The following ZC3H13 variants were observed in gnomAD, a reference collection of about 807,000 sequenced individuals.
ZC3H13 encodes the protein zinc finger CCCH domain-containing protein 13.
ZC3H13 carries 64 observed loss-of-function variants against 204.1 expected under a neutral mutation model. The observed-to-expected ratio is 0.31, with a 90% CI of 0.26 to 0.39. The LOEUF (loss-of-function observed/expected upper bound fraction) is 0.39. Among genes scored for constraint, ZC3H13 ranks in the 10% least tolerant of loss-of-function variants. The pLI, the probability that ZC3H13 is intolerant of heterozygous loss-of-function variation, is 1.00. For missense variants in ZC3H13, 1,833 were observed against 2,082.7 expected (o/e 0.88, Z 2.33); for synonymous variants, 667 against 693.7 (o/e 0.96, Z 0.60).
At chr13:46,029,477 G>A (rs1181989986) in intron 4 of ZC3H13, among the ~76,000 whole-genome samples, 1 of 141,406 alleles carries the variant, frequency 7.1e-6, no homozygotes, top group East Asian at 2.1e-4. Flanking sequence ...CGCCCAGGCT[G>A]GAGTGCAGTG....
At chr13:46,010,862 AATAG>A (rs1338683923) in intron 6 of ZC3H13, among the ~76,000 whole-genome samples, 4 of 152,034 alleles carry the variant, frequency 2.6e-5, no homozygotes, top group Admixed American at 2.0e-4. Flanking sequence ...CAGCCTGGGT[AATAG>A]AGAAAGATCT....
At chr13:45,983,313 T>C (rs540657596) in intron 10 of ZC3H13, among the ~76,000 whole-genome samples, 28 of 143,594 alleles carry the variant, frequency 1.9e-4, no homozygotes, top group Non-Finnish European at 3.9e-4. Flanking sequence ...ATAAAAAGTA[T>C]CTGCAAAAAA....
At chr13:46,035,945 A>AT (rs1277200554) in intron 4 of ZC3H13, among the ~76,000 whole-genome samples, 8 of 151,216 alleles carry the variant, frequency 5.3e-5, no homozygotes, top group African/African-American at 9.7e-5. Flanking sequence ...AGTCAGTGCC[A>AT]TTTTTTTTTC....
At chr13:46,028,212 G>A (rs1023395442) in intron 4 of ZC3H13, among the ~76,000 whole-genome samples, 11 of 152,042 alleles carry the variant, frequency 7.2e-5, no homozygotes, top group Admixed American at 5.9e-4. Context: ...TCTAGAGCAA[G>A]GTAAGTTATC....
intron 8 of ZC3H13, among the ~76,000 whole-genome samples, chr13:46,002,198 A>G (rs2040800063): frequency 1.3e-5 from 2 of 152,316 alleles, no homozygotes; most frequent in Non-Finnish European, 2.9e-5. Flanking sequence ...CAAAACCTCA[A>G]TGGGATAACA....
chr13:46,023,314 A>T (rs1292456564), intron 4 of ZC3H13, among the ~76,000 whole-genome samples: 1 of 152,196 alleles, frequency 6.6e-6, no homozygotes, highest in East Asian at 1.9e-4. Flanking sequence ...TCTAATTATT[A>T]GAAAATTATT....
intron 13 of ZC3H13, 61 bp downstream of exon 13, chr13:45,970,301 G>A (rs926846747): frequency 4.0e-5 from 62 of 1,548,250 alleles, no homozygotes; most frequent in Non-Finnish European, 4.4e-5. Context: ...AGTATGAAAG[G>A]ATGGTTTCAT....
In ZC3H13 at chr13:45,975,438, T is replaced by TTCTCGC; in HGVS notation, c.2307_2312dup (p.Glu775_Arg776dup). 2.5e-6 allele frequency: 4 copies of TTCTCGC among 1,613,528 alleles called. No individual in the cohort carries two copies. Among genetic ancestry groups the TTCTCGC allele is most frequent in the Non-Finnish European group, 2.5e-6 (3 of 1,179,764 alleles). On this transcript the variant is annotated inframe_insertion, in exon 12 of 19. Coordinates refer to ENST00000679008, the MANE Select transcript of ZC3H13 (RefSeq NM_001330564.2). ...TTTCTCTCGCTCTTTCTCGTTCCCG[T>TTCTCGC]TCTCGCTCTCGCTCTCTCTCCCGTT...
intron 8 of ZC3H13, among the ~76,000 whole-genome samples, chr13:45,996,373 T>A (rs1418737734): frequency 1.3e-5 from 2 of 152,194 alleles, no homozygotes; most frequent in African/African-American, 4.8e-5. Context: ...GATTTACATC[T>A]CTTCTAAACA....
chr13:46,045,161 G>A (rs2043860099), intron 2 of ZC3H13, 97 bp from the exon 3 acceptor site: 2 of 1,155,674 alleles, frequency 1.7e-6, no homozygotes, highest in Admixed American at 2.6e-5. Flanking sequence ...CAAAATTCCA[G>A]CTAACCTGTG....
intron 17 of ZC3H13, chr13:45,963,597 G>GC (rs1356201008): frequency 7.9e-7 from 1 of 1,272,324 alleles, no homozygotes; most frequent in Non-Finnish European, 1.0e-6. Flanking sequence ...CTGTTAATAA[G>GC]TAATTTTCAT....
chr13:46,023,730 C>A (rs898486641), intron 4 of ZC3H13, among the ~76,000 whole-genome samples: 1 of 152,160 alleles, frequency 6.6e-6, no homozygotes, highest in Admixed American at 6.5e-5. Context: ...ATAGGGTAAA[C>A]TTCAGGCCTA....
chr13:46,011,307 T>C (rs1161815709), intron 6 of ZC3H13, 108 bp downstream of exon 6: 3 of 995,612 alleles, frequency 3.0e-6, no homozygotes, highest in Middle Eastern at 3.1e-4. Flanking sequence ...GGTTGATCAA[T>C]ATATCAGTAT....
At chr13:45,976,089 C>T (rs1385800021) in intron 11 of ZC3H13, 1 of 882,016 alleles carries the variant, frequency 1.1e-6, no homozygotes, top group Non-Finnish European at 1.4e-6. Context: ...TTCCCCCCTC[C>T]CACTGATCAA....
intron 3 of ZC3H13, among the ~76,000 whole-genome samples, chr13:46,043,176 A>G (rs2043707918): frequency 6.6e-6 from 1 of 151,998 alleles, no homozygotes; most frequent in Non-Finnish European, 1.5e-5. Flanking sequence ...AGTACTATAT[A>G]TAAAAAAGAT....
rs568236165 is a variant in ZC3H13, at chr13:45,959,589, C to T, written c.4733G>A (p.Arg1578Gln). ...LGALNMAALL[R>Q]KEERASLLSN... is the part of the protein sequence containing the mutation. ...AAGAAGACTTGCTCTTTCTTCTTTT[C>T]GTAGTAATGCAGCCATATTGAGAGC... Residue 1578 changes from arginine (R) to glutamine (Q), a missense_variant, in exon 18 of 19, where the codon CGA becomes CAA. By Grantham distance (43) the Arg-to-Gln change is conservative (BLOSUM62 1). Around this residue, in one of 5 missense-constraint regions of ZC3H13, gnomAD observed 211 missense variants for 228.4 expected, o/e 0.92. Coordinates refer to ENST00000679008, the MANE Select transcript of ZC3H13 (RefSeq NM_001330564.2). 11 of 1,548,566 alleles carry T rather than the reference C, an allele frequency of 7.1e-6. No individual in the cohort carries two copies. Among genetic ancestry groups the T allele is most frequent in the African/African-American group, 1.4e-5 (1 of 72,972 alleles).
chr13:46,003,797 C>A (rs1159817845), intron 7 of ZC3H13, among the ~76,000 whole-genome samples: 1 of 151,980 alleles, frequency 6.6e-6, no homozygotes, highest in Non-Finnish European at 1.5e-5. Flanking sequence ...TATTCACATG[C>A]AAAAGAATGA....
At chr13:45,973,520 CT>C (rs1952761672) in intron 12 of ZC3H13, among the ~76,000 whole-genome samples, 1 of 152,096 alleles carries the variant, frequency 6.6e-6, no homozygotes, top group African/African-American at 2.4e-5. Flanking sequence ...CCATGAAATG[CT>C]TTAGGTTTTG....
chr13:45,990,569 TA>T lies in ZC3H13; in HGVS notation c.945-1473del, dbSNP rs531188563. Among the ~76,000 whole-genome samples the T allele has an allele frequency of 1.7e-3, 252 of 152,198 alleles. 6 individuals carry two copies. Among genetic ancestry groups the T allele is most frequent in the Non-Finnish European group, 4.4e-4 (30 of 67,992 alleles). ...ATAAAATAGTGATTCCTTTCTAACA[TA>T]AAAAGATAAGCCATAAGCTACTAAA... On this transcript the variant is annotated intron_variant, in intron 8 of 18. Coordinates refer to ENST00000679008, the MANE Select transcript of ZC3H13 (RefSeq NM_001330564.2).
Sources: allele counts gnomAD v4.1 joint callset (sites outside exome capture counted in the v4.1 genomes callset), GRCh38; gene constraint gnomAD v4.1.1; regional missense constraint gnomAD v4.1.1; transcripts MANE v1.5; gene names NCBI Gene and HGNC (gene_info 2026-07-23, HGNC 2026-07-21).